Variants in CNTNAP5 observed in about 807,000 individuals in gnomAD.
CNTNAP5 encodes contactin associated protein family member 5, also known as contactin-associated protein-like 5.
In CNTNAP5, 72 loss-of-function variants were observed where a neutral mutation model predicts 150.2. The ratio of observed to expected loss-of-function variants is 0.48; its 90% CI spans 0.40 to 0.58. The LOEUF is 0.58. Ranked by LOEUF, CNTNAP5 falls within the 20% of genes least tolerant of loss-of-function variation. The probability of loss-of-function intolerance (pLI) is 0.00; values close to 1 mark genes in which losing one functional copy is unlikely to be tolerated. For synonymous variants in CNTNAP5, 672 were observed against 619.8 expected, an observed-to-expected ratio of 1.08 and a Z score of -1.25; for missense variants, 1,636 against 1,626.2, an observed-to-expected ratio of 1.01 and a Z score of -0.10.
chr2:124,222,622 A>C (rs1282001542), intron 2 of CNTNAP5, among the ~76,000 whole-genome samples: 1 of 152,006 alleles, frequency 6.6e-6, no homozygotes, highest in East Asian at 1.9e-4. Flanking sequence ...TATATTATTT[A>C]ATTTTGAGTA....
chr2:124,276,327 A>C (rs566618119), intron 3 of CNTNAP5, among the ~76,000 whole-genome samples: 2 of 152,346 alleles, frequency 1.3e-5, no homozygotes, highest in East Asian at 3.9e-4. Context: ...ATGTAAAAAC[A>C]AAATACCTTA....
chr2:124,334,337 G>A (rs978103928), intron 3 of CNTNAP5, among the ~76,000 whole-genome samples: 4 of 152,100 alleles, frequency 2.6e-5, no homozygotes, highest in African/African-American at 9.7e-5. Flanking sequence ...AAGAAGTGGA[G>A]GCATCAGTAA....
rs1168786579 is a variant in CNTNAP5 at position 124,880,434 on chromosome 2, A to C, written c.3436+10672A>C. 3.3e-5 allele frequency among the ~76,000 whole-genome samples: 5 copies of C among 152,196 alleles called. No homozygotes were observed. The East Asian group carries it at 9.7e-4, about 29-fold the overall frequency. ...ATTCCCTTAAAATCAACTGCTGCCT[A>C]CTCTAATCAACTCTAATCAATCATA... On this transcript the variant is annotated intron_variant, in intron 21 of 23. Coordinates refer to ENST00000682447, the MANE Select transcript of CNTNAP5 (RefSeq NM_001367498.1).
intron 1 of CNTNAP5, among the ~76,000 whole-genome samples, chr2:124,083,738 A>T (rs553892296): frequency 5.9e-5 from 9 of 152,018 alleles, no homozygotes; most frequent in African/African-American, 2.2e-4. Context: ...AGACTAATTT[A>T]TCCTTTTATT....
At chr2:124,427,267 G>A (rs895011456) in intron 4 of CNTNAP5, among the ~76,000 whole-genome samples, 1 of 151,928 alleles carries the variant, frequency 6.6e-6, no homozygotes, top group Admixed American at 6.6e-5. Context: ...GGGTAACGGG[G>A]GTAGGTAGCC....
chr2:124,814,784 A>C (rs895967227), intron 19 of CNTNAP5, among the ~76,000 whole-genome samples: 2 of 151,266 alleles, frequency 1.3e-5, no homozygotes, highest in African/African-American at 4.8e-5. Context: ...AATGGATTGC[A>C]CTCTTCTTCT....
At chr2:124,317,493 T>G (rs1688997229) in intron 3 of CNTNAP5, among the ~76,000 whole-genome samples, 1 of 152,180 alleles carries the variant, frequency 6.6e-6, no homozygotes. Flanking sequence ...ATCTAGGCCC[T>G]GTCCAACCCA....
At chr2:124,511,375 G>C (rs1427922830) in intron 8 of CNTNAP5, among the ~76,000 whole-genome samples, 1 of 152,214 alleles carries the variant, frequency 6.6e-6, no homozygotes, top group East Asian at 1.9e-4. Flanking sequence ...CAGGCATGGA[G>C]TTTTAGCTTA....
chr2:124,147,798 C>A (rs1684291645), intron 1 of CNTNAP5, among the ~76,000 whole-genome samples: 2 of 152,240 alleles, frequency 1.3e-5, no homozygotes, highest in Non-Finnish European at 2.9e-5. Context: ...GGCTCGGGCA[C>A]CCTTCAGTGT....
intron 1 of CNTNAP5, among the ~76,000 whole-genome samples, chr2:124,111,626 C>T (rs1294593301): frequency 6.6e-6 from 1 of 152,112 alleles, no homozygotes; most frequent in Non-Finnish European, 1.5e-5. Context: ...ACAACTGAAA[C>T]AAAACCAGAA....
intron 11 of CNTNAP5, among the ~76,000 whole-genome samples, chr2:124,604,073 T>C (rs1697048414): frequency 6.6e-6 from 1 of 152,206 alleles, no homozygotes; most frequent in Admixed American, 6.5e-5. Flanking sequence ...TGTGTTAACT[T>C]TTATTTAGAG....
intron 3 of CNTNAP5, among the ~76,000 whole-genome samples, chr2:124,306,727 T>TC (rs1688699931): frequency 7.0e-6 from 1 of 142,572 alleles, no homozygotes; most frequent in African/African-American, 2.8e-5. Context: ...TTCTTTTTTT[T>TC]TTTTTTTTTT....
At chr2:124,059,799 C>T (rs531489767) in intron 1 of CNTNAP5, among the ~76,000 whole-genome samples, 1 of 151,802 alleles carries the variant, frequency 6.6e-6, no homozygotes, top group Non-Finnish European at 1.5e-5. Context: ...AACAAGATGG[C>T]GAGTTCCTCA....
intron 19 of CNTNAP5, among the ~76,000 whole-genome samples, chr2:124,814,999 A>G (rs1231354660): frequency 6.6e-6 from 1 of 152,224 alleles, no homozygotes; most frequent in Admixed American, 6.5e-5. Flanking sequence ...CTAAAAAGAC[A>G]AATGAGATTA....
At position 124,231,395 on chromosome 2, in the gene CNTNAP5, G is replaced by C. The variant is rs533175984; in HGVS notation, c.187+9586G>C. Among the ~76,000 whole-genome samples the C allele has an allele frequency of 7.9e-5, 12 of 152,192 alleles. No individual in the cohort carries two copies. The South Asian group carries it at 2.5e-3, about 32-fold the overall frequency. On this transcript the variant is annotated intron_variant, in intron 2 of 23. Coordinates refer to ENST00000682447, the MANE Select transcript of CNTNAP5 (RefSeq NM_001367498.1). ...ACAGAGTCAGAGAGGTTAAGTCAGT[G>C]GCCCAAAACTACACAGCTAATTTTG... is the stretch of plus-strand genomic sequence containing the variant.
intron 19 of CNTNAP5, among the ~76,000 whole-genome samples, chr2:124,801,790 G>T (rs1681973203): frequency 6.6e-6 from 1 of 151,934 alleles, no homozygotes; most frequent in Admixed American, 6.6e-5. Context: ...GCATTATAAA[G>T]AACTGGGAAT....
chr2:124,250,832 G>C (rs1164718719), intron 3 of CNTNAP5, among the ~76,000 whole-genome samples: 1 of 151,558 alleles, frequency 6.6e-6, no homozygotes, highest in East Asian at 1.9e-4. Flanking sequence ...AAAAAAGCAG[G>C]CTTCATTGAA....
intron 18 of CNTNAP5, among the ~76,000 whole-genome samples, chr2:124,796,924 A>C (rs994887748): frequency 2.8e-4 from 43 of 152,244 alleles, no homozygotes; most frequent in African/African-American, 9.4e-4. Flanking sequence ...AAGTGAACTC[A>C]AGAGCAGCCT....
intron 1 of CNTNAP5, among the ~76,000 whole-genome samples, chr2:124,036,420 C>T (rs1397067866): frequency 2.6e-5 from 4 of 151,996 alleles, no homozygotes; most frequent in East Asian, 1.9e-4. Flanking sequence ...ATACTGCTCG[C>T]CCCTGTTACG....
Sources: allele counts gnomAD v4.1 joint callset (sites outside exome capture counted in the v4.1 genomes callset), GRCh38; gene constraint gnomAD v4.1.1; transcripts MANE v1.5; gene names NCBI Gene and HGNC (gene_info 2026-07-23, HGNC 2026-07-21).